Variants in TMEFF2 observed in about 807,000 individuals in gnomAD.
The protein encoded by TMEFF2 is transmembrane protein with EGF like and two follistatin like domains 2.
In TMEFF2, 28 loss-of-function variants were observed where a neutral mutation model predicts 53.8. That is an observed-to-expected ratio of 0.52 (90% confidence interval 0.39 to 0.71). TMEFF2 has a LOEUF of 0.71. Among genes scored for constraint, TMEFF2 ranks in the 30% least tolerant of loss-of-function variants. The pLI is 0.00. For missense variants in TMEFF2, 353 were observed against 455.2 expected, an observed-to-expected ratio of 0.78 and a Z score of 2.04; for synonymous variants, 162 against 166.3, an observed-to-expected ratio of 0.97 and a Z score of 0.20.
chr2:191,972,151 T>G (rs78302330), intron 7 of TMEFF2, among the ~76,000 whole-genome samples: 4 of 141,980 alleles, frequency 2.8e-5, no homozygotes, highest in African/African-American at 7.8e-5. Flanking sequence ...TTTTTTTGTT[T>G]TTTTTTTTTT....
chr2:191,980,987 C>T (rs1685839525), intron 7 of TMEFF2, among the ~76,000 whole-genome samples: 1 of 152,100 alleles, frequency 6.6e-6, no homozygotes, highest in African/African-American at 2.4e-5. Flanking sequence ...CCACAACACT[C>T]ATTCTTCATT....
At chr2:191,971,634 T>G (rs527862893) in intron 7 of TMEFF2, among the ~76,000 whole-genome samples, 3 of 152,212 alleles carry the variant, frequency 2.0e-5, no homozygotes, top group Non-Finnish European at 4.4e-5. Flanking sequence ...CTAAATTTAC[T>G]AGAGCTTGAT....
chr2:191,980,201 A>C (rs1364906885), intron 7 of TMEFF2, among the ~76,000 whole-genome samples: 1 of 152,212 alleles, frequency 6.6e-6, no homozygotes, highest in African/African-American at 2.4e-5. Context: ...ATACATAAAT[A>C]AATCTGCTCA....
In TMEFF2 at chr2:191,963,844, A is replaced by G. The variant is rs147421906; in HGVS notation, c.746-7466T>C. 8.7e-3 allele frequency among the ~76,000 whole-genome samples: 1,325 copies of G among 152,296 alleles called. 14 individuals carry two copies. Among genetic ancestry groups the G allele is most frequent in the Non-Finnish European group, 0.012 (849 of 68,016 alleles). ...TAGTAATTATGTCTTAAATTACTTGAGAATCTTACAACAGGACCATCATTG... is the reference window on the plus strand; with the variant it reads ...TAGTAATTATGTCTTAAATTACTTGGGAATCTTACAACAGGACCATCATTG... On this transcript the variant is annotated intron_variant, in intron 7 of 9. Transcript: ENST00000272771.
intron 4 of TMEFF2, among the ~76,000 whole-genome samples, chr2:192,138,996 G>A (rs896623201): frequency 2.0e-5 from 3 of 152,132 alleles, no homozygotes; most frequent in Non-Finnish European, 4.4e-5. Context: ...AAATGATATC[G>A]ATGAGAAAAA....
At chr2:192,080,361 G>A (rs1688523556) in intron 4 of TMEFF2, among the ~76,000 whole-genome samples, 1 of 152,158 alleles carries the variant, frequency 6.6e-6, no homozygotes, top group Non-Finnish European at 1.5e-5. Context: ...GGTTCTGTAA[G>A]GGGCTTATCC....
At chr2:192,151,023 A>C (rs1366115834) in intron 4 of TMEFF2, among the ~76,000 whole-genome samples, 1 of 151,780 alleles carries the variant, frequency 6.6e-6, no homozygotes, top group Admixed American at 6.6e-5. Context: ...TGATTGGATC[A>C]TGGGGGCATT....
chr2:192,148,028 T>G (rs1408686776), intron 4 of TMEFF2, among the ~76,000 whole-genome samples: 1 of 152,030 alleles, frequency 6.6e-6, no homozygotes, highest in Admixed American at 6.6e-5. Flanking sequence ...CTATTGAGCT[T>G]AGGAGAATTG....
intron 4 of TMEFF2, among the ~76,000 whole-genome samples, chr2:192,087,820 C>G (rs1688700666): frequency 6.6e-6 from 1 of 152,032 alleles, no homozygotes; most frequent in Non-Finnish European, 1.5e-5. Flanking sequence ...TCTGTTAATA[C>G]CTTTAAGAAG....
intron 7 of TMEFF2, among the ~76,000 whole-genome samples, chr2:191,956,756 G>A (rs1168387879): frequency 6.6e-6 from 1 of 151,642 alleles, no homozygotes; most frequent in Admixed American, 6.6e-5. Flanking sequence ...GTCCTTAAGA[G>A]TAAATTGCTG....
At chr2:192,151,361 G>A (rs1189939811) in intron 4 of TMEFF2, among the ~76,000 whole-genome samples, 1 of 151,754 alleles carries the variant, frequency 6.6e-6, no homozygotes, top group Admixed American at 6.6e-5. Context: ...AGTAACTTTT[G>A]AGAACCATTG....
At chr2:192,173,464 T>C (rs962502765) in intron 4 of TMEFF2, among the ~76,000 whole-genome samples, 2 of 151,768 alleles carry the variant, frequency 1.3e-5, no homozygotes, top group Admixed American at 6.6e-5. Flanking sequence ...CTAAAAAGTT[T>C]AATCCCCTAA....
chr2:192,034,124 G>A (rs1218644269), intron 5 of TMEFF2, among the ~76,000 whole-genome samples: 1 of 143,780 alleles, frequency 7.0e-6, no homozygotes, highest in Non-Finnish European at 1.5e-5. Context: ...GCAGTGAGCC[G>A]AGATCGTGCC....
intron 4 of TMEFF2, among the ~76,000 whole-genome samples, chr2:192,174,567 A>G (rs1690991182): frequency 6.6e-6 from 1 of 151,744 alleles, no homozygotes; most frequent in Non-Finnish European, 1.5e-5. Context: ...AAGAGCTGAG[A>G]TAAGATTTCA....
At chr2:192,042,821 C>T (rs1026226610) in intron 5 of TMEFF2, among the ~76,000 whole-genome samples, 1 of 152,158 alleles carries the variant, frequency 6.6e-6, no homozygotes, top group Admixed American at 6.6e-5. Flanking sequence ...CTTAGAGAGA[C>T]TGGAATGCTA....
chr2:191,966,674 A>G (rs1252991349), intron 7 of TMEFF2, among the ~76,000 whole-genome samples: 3 of 152,244 alleles, frequency 2.0e-5, no homozygotes, highest in African/African-American at 7.2e-5. Flanking sequence ...GAATTTCAAA[A>G]TAGAAACTAG....
intron 2 of TMEFF2, among the ~76,000 whole-genome samples, chr2:192,188,828 TATC>T (rs1559164477): frequency 1.5e-5 from 2 of 137,122 alleles, no homozygotes; most frequent in Non-Finnish European, 3.2e-5. Context: ...CCCGCTTTTC[TATC>T]TATCTATCTA....
intron 7 of TMEFF2, among the ~76,000 whole-genome samples, chr2:191,995,434 A>G (rs73982307): frequency 0.013 from 1,923 of 152,128 alleles, 35 homozygotes; most frequent in African/African-American, 0.044. Context: ...TGTGTCTAAC[A>G]AGGGAAGTGG....
intron 9 of TMEFF2, 195 bp from the exon 10 acceptor site, chr2:191,950,602 TG>T (rs1691846183): frequency 1.3e-6 from 1 of 770,682 alleles, no homozygotes; most frequent in Non-Finnish European, 2.2e-6. Flanking sequence ...TTTAAATTTT[TG>T]TTGGGAATTG....
Sources: allele counts gnomAD v4.1 joint callset (sites outside exome capture counted in the v4.1 genomes callset), GRCh38; gene constraint gnomAD v4.1.1; transcripts MANE v1.5; gene names NCBI Gene and HGNC (gene_info 2026-07-23, HGNC 2026-07-21).